The following SLC12A8 variants were observed in gnomAD, a reference collection of about 807,000 sequenced individuals.
SLC12A8 encodes solute carrier family 12 member 8.
In SLC12A8, 69 loss-of-function variants were observed where a neutral mutation model predicts 75.6. The ratio of observed to expected loss-of-function variants is 0.91; its 90% confidence interval spans 0.75 to 1.11. The LOEUF is 1.11. Among genes scored for constraint, SLC12A8 ranks in the 50% most tolerant of loss-of-function variants. The probability of loss-of-function intolerance (pLI) is 0.00; values close to 1 mark genes in which losing one functional copy is unlikely to be tolerated. For synonymous variants in SLC12A8, 365 were observed against 372.8 expected (o/e 0.98, Z 0.24); for missense variants, 877 against 896.7 (o/e 0.98, Z 0.28).
intron 4 of SLC12A8, 110 bp from the exon 5 acceptor site, chr3:125,178,084 C>T (rs575963269): frequency 2.3e-5 from 20 of 871,892 alleles, no homozygotes; most frequent in Non-Finnish European, 3.5e-5. Flanking sequence ...CACTCACTGG[C>T]ACCAAGGCAC....
chr3:125,198,891 C>A (rs1012520418), intron 2 of SLC12A8, among the ~76,000 whole-genome samples: 1 of 151,794 alleles, frequency 6.6e-6, no homozygotes, highest in Non-Finnish European at 1.5e-5. Flanking sequence ...CATTCCCCTG[C>A]CTCAGCCTCC....
At position 125,199,867 on chromosome 3, in the gene SLC12A8, GGAAAT is replaced by G. The variant is rs538966602; in HGVS notation, c.52-9351_52-9347del. Among the ~76,000 whole-genome samples the G allele has an allele frequency of 5.1e-3, 778 of 152,200 alleles. 6 individuals are homozygous for G. Among genetic ancestry groups the G allele is most frequent in the African/African-American group, 0.017 (725 of 41,516 alleles). On this transcript the variant is annotated intron_variant, in intron 2 of 13. Transcript: ENST00000469902. ...AATAATAAAGCAACTATTAAAAAAT[GGAAAT>G]GAAATGAGAGAAATGGAAGGAAGTG...
chr3:125,149,312 G>A (rs1296943361), intron 5 of SLC12A8, among the ~76,000 whole-genome samples: 1 of 152,252 alleles, frequency 6.6e-6, no homozygotes, highest in Non-Finnish European at 1.5e-5. Context: ...CAGCAAATGA[G>A]AATAATCCAG....
chr3:125,200,313 G>A (rs1161343478), intron 2 of SLC12A8, among the ~76,000 whole-genome samples: 1 of 152,128 alleles, frequency 6.6e-6, no homozygotes, highest in Non-Finnish European at 1.5e-5. Context: ...GCTGGGCATG[G>A]TGGTGTGCCC....
At chr3:125,168,132 G>C (rs1277100614) in intron 5 of SLC12A8, among the ~76,000 whole-genome samples, 1 of 152,218 alleles carries the variant, frequency 6.6e-6, no homozygotes, top group Non-Finnish European at 1.5e-5. Flanking sequence ...TTATCTAAAT[G>C]GCCCACAGAG....
intron 5 of SLC12A8, among the ~76,000 whole-genome samples, chr3:125,159,916 C>T (rs1053436337): frequency 6.6e-6 from 1 of 152,154 alleles, no homozygotes; most frequent in African/African-American, 2.4e-5. Flanking sequence ...AGAGTGACTG[C>T]TGTGGAGATG....
chr3:125,206,620 T>C (rs1935231625), intron 2 of SLC12A8: 1 of 152,224 alleles, frequency 6.6e-6, no homozygotes, highest in Non-Finnish European at 1.5e-5. Context: ...AGAAAAAGTG[T>C]GTATTAGTCC....
intron 2 of SLC12A8, among the ~76,000 whole-genome samples, chr3:125,204,208 T>A (rs140755503): frequency 1.3e-5 from 2 of 152,296 alleles, no homozygotes; most frequent in Admixed American, 1.3e-4. Flanking sequence ...AGAACTACCA[T>A]ATGATCCAGC....
At chr3:125,133,937 C>T (rs1258185795) in intron 6 of SLC12A8, among the ~76,000 whole-genome samples, 1 of 152,148 alleles carries the variant, frequency 6.6e-6, no homozygotes, top group African/African-American at 2.4e-5. Context: ...CTTCGTGCTC[C>T]TCTCACTCCC....
intron 5 of SLC12A8, among the ~76,000 whole-genome samples, chr3:125,163,372 C>T (rs761297145): frequency 2.0e-5 from 3 of 151,780 alleles, no homozygotes; most frequent in Non-Finnish European, 4.4e-5. Context: ...CTTTGGGAGG[C>T]CGAGGTGGAC....
intron 5 of SLC12A8, among the ~76,000 whole-genome samples, chr3:125,140,137 G>C (rs113681881): frequency 0.013 from 2,017 of 152,298 alleles, 43 homozygotes; most frequent in African/African-American, 0.046. Context: ...CAATGGCCAA[G>C]ACTGTGTGCA....
intron 8 of SLC12A8, among the ~76,000 whole-genome samples, chr3:125,113,167 T>C (rs1013252553): frequency 6.6e-6 from 1 of 152,192 alleles, no homozygotes; most frequent in African/African-American, 2.4e-5. Context: ...GCACCATGAG[T>C]ACACGATATG....
At chr3:125,169,042 A>C (rs1560074510) in intron 5 of SLC12A8, among the ~76,000 whole-genome samples, 1 of 152,202 alleles carries the variant, frequency 6.6e-6, no homozygotes. Flanking sequence ...AAAAAGCTTC[A>C]GCTTGGAGAG....
chr3:125,102,928 C>G (rs1205366394), intron 10 of SLC12A8, among the ~76,000 whole-genome samples: 1 of 152,114 alleles, frequency 6.6e-6, no homozygotes, highest in Non-Finnish European at 1.5e-5. Context: ...TCTGGCAGAC[C>G]AGCTTCAGGA....
intron 2 of SLC12A8, among the ~76,000 whole-genome samples, chr3:125,203,390 C>A (rs1935165485): frequency 6.6e-6 from 1 of 152,070 alleles, no homozygotes; most frequent in South Asian, 2.1e-4. Context: ...TAGAAACAGA[C>A]ACATAAACCA....
rs769035505 is a variant in SLC12A8, at chr3:125,083,912, T to C, written c.2123A>G (p.Glu708Gly). The C allele has an allele frequency of 3.7e-6, 6 of 1,613,014 alleles. No individual in the cohort carries two copies. The East Asian group carries it at 1.3e-4, about 36-fold the overall frequency. ...CATCTAGTAGTGAGGCATCAGCTGCTCCCGGTTCACGAGGGAGGAGTGGTG... is the reference window on the plus strand; with the variant it reads ...CATCTAGTAGTGAGGCATCAGCTGCCCCCGGTTCACGAGGGAGGAGTGGTG... The part of the protein sequence containing the change: ...RYHHSSLVNR[E>G]QLMPHY Residue 708 changes from glutamate to glycine, a missense_variant, in exon 14 of 14, where the codon GAG becomes GGG. Glu to Gly is a moderately conservative substitution (Grantham distance 98, BLOSUM62 -2). Transcript: ENST00000469902.
Position 125,190,476 on chromosome 3 carries a change from T to C in SLC12A8, c.97A>G (p.Met33Val), listed in dbSNP as rs1244458839. 1 of 1,614,032 alleles carries C rather than the reference T, an allele frequency of 6.2e-7. No individual in the cohort carries two copies. Among genetic ancestry groups the C allele is most frequent in the African/African-American group, 1.3e-5 (1 of 74,928 alleles). Residue 33 changes from methionine (M) to valine (V), a missense_variant, in exon 3 of 14, where the codon ATG becomes GTG. By Grantham distance (21) the Met-to-Val change is conservative. Coordinates refer to ENST00000469902, the MANE Select transcript of SLC12A8 (RefSeq NM_024628.6). ...PQPWWKTQLF[M>V]WEPVLFGTWD... ...GTCCCAAACAGCACAGGCTCCCACA[T>C]GAACAGCTGGGTCTTCCACCAGGGC...
chr3:125,095,199 T>G lies in SLC12A8; in HGVS notation c.1706-3001A>C, dbSNP rs1044316998. On this transcript the variant is annotated intron_variant, in intron 10 of 13. Transcript: ENST00000469902. ...CCCTTGAACTTAAGTTTTGAATAGCTCATTGTCTTCTCAGTATCACCCATT... is the reference window on the plus strand; with the variant it reads ...CCCTTGAACTTAAGTTTTGAATAGCGCATTGTCTTCTCAGTATCACCCATT... Among the ~76,000 whole-genome samples, 43 of 152,320 alleles carry G rather than the reference T, an allele frequency of 2.8e-4. 1 individual carries two copies. Among genetic ancestry groups the G allele is most frequent in the East Asian group, 2.1e-3 (11 of 5,196 alleles).
chr3:125,121,312 T>C (rs139305362), intron 6 of SLC12A8, among the ~76,000 whole-genome samples: 17 of 152,270 alleles, frequency 1.1e-4, no homozygotes, highest in African/African-American at 4.1e-4. Flanking sequence ...TGCTGCATGG[T>C]GAAGTGGGGA....
Sources: gnomAD v4.1 joint callset for allele counts (sites outside exome capture counted in the v4.1 genomes callset) on GRCh38, gnomAD v4.1.1 for gene constraint, MANE v1.5 for transcripts, NCBI Gene and HGNC (gene_info 2026-07-23, HGNC 2026-07-21) for gene names.